The following CEP192 variants were observed in gnomAD, a reference collection of about 807,000 sequenced individuals.
CEP192 encodes centrosomal protein 192.
A neutral mutation model predicts 271.8 loss-of-function variants in CEP192; 151 were observed. The ratio of observed to expected loss-of-function variants is 0.56; its 90% CI spans 0.49 to 0.64. CEP192 has a LOEUF of 0.64. Ranked by LOEUF, CEP192 falls within the 30% of genes least tolerant of loss-of-function variation. The probability of loss-of-function intolerance (pLI) is 0.00; values close to 1 mark genes in which losing one functional copy is unlikely to be tolerated. For missense variants in CEP192, 2,910 were observed against 3,020.5 expected (o/e 0.96, Z 0.86); for synonymous variants, 995 against 1,076.5 (o/e 0.92, Z 1.48).
chr18:13,033,904 C>T (rs952563530), intron 11 of CEP192, among the ~76,000 whole-genome samples: 4 of 152,170 alleles, frequency 2.6e-5, no homozygotes, highest in Non-Finnish European at 5.9e-5. Context: ...AAGATACTGA[C>T]TACAGGAATG....
chr18:13,059,333 CT>C, intron 21 of CEP192, 21 bp downstream of exon 21: 1 of 1,575,100 alleles, frequency 6.3e-7, no homozygotes, highest in Non-Finnish European at 8.7e-7. Context: ...GAAAATGAAT[CT>C]TTGTCATACC....
chr18:13,020,222 A>G (rs1032006429), intron 9 of CEP192, among the ~76,000 whole-genome samples: 25 of 152,286 alleles, frequency 1.6e-4, no homozygotes, highest in African/African-American at 6.0e-4. Flanking sequence ...CCATTAAACA[A>G]CAAACCTCAG....
At position 13,096,294 on chromosome 18, in the gene CEP192, T is replaced by A. The variant is rs767547035; in HGVS notation, c.6544T>A (p.Cys2182Ser). The A allele has an allele frequency of 9.3e-6, 15 of 1,613,504 alleles. No homozygotes were observed. Among genetic ancestry groups the A allele is most frequent in the Admixed American group, 6.7e-5 (4 of 59,956 alleles). The part of the protein sequence containing the change: ...HCLTVTPQHG[C>S]VAPESKLQIL... ...CCTCACAGTCACGCCGCAGCATGGA[T>A]GTGTCGCGCCAGAGTAAGTCTGACT... The change falls in exon 36 of 45, where the codon TGT becomes AGT. Residue 2182 changes from cysteine (C) to serine (S), a missense_variant. Cys to Ser is a moderately radical substitution (Grantham distance 112, BLOSUM62 -1). Transcript: ENST00000506447.
intron 44 of CEP192, among the ~76,000 whole-genome samples, chr18:13,123,259 T>G (rs1015987164): frequency 6.6e-6 from 1 of 152,174 alleles, no homozygotes; most frequent in Non-Finnish European, 1.5e-5. Flanking sequence ...AGATTTTTTT[T>G]AAAAAGTACA....
chr18:12,997,963 G>C (rs2145767532), intron 1 of CEP192, among the ~76,000 whole-genome samples: 1 of 152,246 alleles, frequency 6.6e-6, no homozygotes, highest in Non-Finnish European at 1.5e-5. Context: ...GAACTCAAGT[G>C]ATTCGCCTGC....
At chr18:13,042,053 A>G (rs984070579) in intron 14 of CEP192, 151 bp from the exon 15 acceptor site, 6 of 557,208 alleles carry the variant, frequency 1.1e-5, no homozygotes, top group Admixed American at 6.7e-5. Context: ...AAGTGACTAT[A>G]CGTTTAAACC....
At chr18:12,996,567 T>G (rs1010302102) in intron 1 of CEP192, among the ~76,000 whole-genome samples, 2 of 152,068 alleles carry the variant, frequency 1.3e-5, no homozygotes, top group Non-Finnish European at 2.9e-5. Context: ...TTGAAGGCAA[T>G]CACCCAGAGA....
intron 40 of CEP192, among the ~76,000 whole-genome samples, chr18:13,112,446 C>T (rs2040249252): frequency 6.6e-6 from 1 of 152,180 alleles, no homozygotes; most frequent in African/African-American, 2.4e-5. Flanking sequence ...AAAGTAGAGC[C>T]TGCTTTCCAG....
chr18:13,116,544 G>T (rs367621184), intron 43 of CEP192, 41 bp downstream of exon 43: 51 of 1,522,890 alleles, frequency 3.3e-5, no homozygotes, highest in Non-Finnish European at 4.4e-5. Context: ...AAAAATACAT[G>T]CATTCAACTC....
chr18:13,123,527 G>T (rs575750919), intron 44 of CEP192, among the ~76,000 whole-genome samples: 3 of 152,160 alleles, frequency 2.0e-5, no homozygotes, highest in Admixed American at 6.5e-5. Context: ...GCTGGAAACC[G>T]AAACGTACAT....
Position 13,087,082 on chromosome 18 carries a change from C to G in CEP192, c.5682C>G (p.Asp1894Glu). The change falls in exon 31 of 45, where the codon GAC becomes GAG. Residue 1894 changes from aspartate to glutamate, a missense_variant. By Grantham distance (45) the Asp-to-Glu change is conservative. Transcript: ENST00000506447. Reference sequence around the variant, plus strand: ...TGGAAGGCGTTAAAAAATTATCTGACAGTTACATGGTAACAGTGAATGGCT... The same window carrying G: ...TGGAAGGCGTTAAAAAATTATCTGAGAGTTACATGGTAACAGTGAATGGCT... The part of the protein sequence containing the change: ...LILEGVKKLS[D>E]SYMVTVNGLV... The G allele has an allele frequency of 2.5e-6, 4 of 1,613,270 alleles. No homozygotes were observed. Among genetic ancestry groups the G allele is most frequent in the Non-Finnish European group, 3.4e-6 (4 of 1,179,292 alleles).
chr18:13,055,179 T>C (rs2037018985), intron 18 of CEP192, among the ~76,000 whole-genome samples: 2 of 151,208 alleles, frequency 1.3e-5, no homozygotes, highest in Admixed American at 1.3e-4. Context: ...CTTGGGAGGC[T>C]GAGGCAGGAA....
At chr18:13,013,720 AAC>A (rs745821400) in intron 5 of CEP192, among the ~76,000 whole-genome samples, 8 of 152,218 alleles carry the variant, frequency 5.3e-5, no homozygotes, top group Non-Finnish European at 8.8e-5. Flanking sequence ...TGAGAAGATA[AAC>A]AGTTTATGCC....
rs1290777800 is a variant in CEP192 at position 13,038,595 on chromosome 18, G to T, written c.1809+16G>T. The T allele has an allele frequency of 6.5e-7, 1 of 1,531,434 alleles. No individual in the cohort carries two copies. Among genetic ancestry groups the T allele is most frequent in the Non-Finnish European group, 8.9e-7 (1 of 1,128,964 alleles). 94.9% of individuals were successfully genotyped at this position (1,531,434 alleles called of 1,614,324 possible). A position where few individuals can be genotyped will look rare whatever the true frequency, so the allele number is the denominator to read the frequency against. On this transcript the variant is annotated intron_variant, in intron 13 of 44. Coordinates refer to ENST00000506447, the MANE Select transcript of CEP192 (RefSeq NM_032142.4). ...TGTGAAAAGAGTAAGTATGGAATCTGTTGGAAGTGCTCACAGTCACCAGAT... is the reference window on the plus strand; with the variant it reads ...TGTGAAAAGAGTAAGTATGGAATCTTTTGGAAGTGCTCACAGTCACCAGAT...
At chr18:13,052,576 T>G (rs1351887086) in intron 17 of CEP192, among the ~76,000 whole-genome samples, 1 of 152,126 alleles carries the variant, frequency 6.6e-6, no homozygotes, top group African/African-American at 2.4e-5. Context: ...ATCTGCATGA[T>G]TTTTTTTCCT....
intron 11 of CEP192, among the ~76,000 whole-genome samples, chr18:13,030,934 G>A (rs2035584070): frequency 6.6e-6 from 1 of 152,168 alleles, no homozygotes; most frequent in East Asian, 1.9e-4. Flanking sequence ...CAAAGGAAAT[G>A]TCCTGATAAA....
chr18:13,041,630 ATCTC>A (rs2036211649), intron 14 of CEP192, among the ~76,000 whole-genome samples: 1 of 146,188 alleles, frequency 6.8e-6, no homozygotes, highest in East Asian at 2.0e-4. Context: ...CAGTGGCGTG[ATCTC>A]GGCTCACTGC....
rs1173077755 is a variant in CEP192, at chr18:13,068,944, C to T, written c.4915C>T (p.Arg1639Ter). The change falls in exon 25 of 45, where the codon CGA (arginine) becomes TGA (stop). Residue 1639 changes from arginine (R) to a stop codon, truncating the protein, a stop_gained. Transcript: ENST00000506447. LOFTEE classifies it high-confidence loss of function. ...PTPVLRSVSL[R>*]ARAGIARIHA... ...GCCCGTTCTTAGAAGTGTGAGTCTCCGAGCAAGAGCAGGAATAGCTAGGAT... is the reference window on the plus strand; with the variant it reads ...GCCCGTTCTTAGAAGTGTGAGTCTCTGAGCAAGAGCAGGAATAGCTAGGAT... 5 of 1,614,140 alleles carry T rather than the reference C, an allele frequency of 3.1e-6. No individual in the cohort carries two copies. The highest frequency in any genetic ancestry group is 1.6e-4 in the Middle Eastern group (1 of 6,062).
chr18:13,047,129 AGAT>A (rs1251595725), intron 15 of CEP192, among the ~76,000 whole-genome samples: 2 of 152,164 alleles, frequency 1.3e-5, no homozygotes, highest in Non-Finnish European at 2.9e-5. Context: ...AGGCTAAGGG[AGAT>A]GATATCTTCC....
Sources: gnomAD v4.1 joint callset for allele counts (sites outside exome capture counted in the v4.1 genomes callset) on GRCh38, gnomAD v4.1.1 for gene constraint, MANE v1.5 for transcripts, NCBI Gene and HGNC (gene_info 2026-07-23, HGNC 2026-07-21) for gene names.